KIAA1671: variants seen among roughly 807,000 people sequenced by gnomAD.
KIAA1671 encodes uncharacterized protein KIAA1671.
A neutral mutation model predicts 131.2 loss-of-function variants in KIAA1671; 52 were observed. The observed-to-expected ratio is 0.40, with a 90% CI of 0.32 to 0.50. The LOEUF (loss-of-function observed/expected upper bound fraction) is 0.50, where lower values mean the gene tolerates loss of function less well. Among genes scored for constraint, KIAA1671 ranks in the 20% least tolerant of loss-of-function variants. The pLI, the probability that KIAA1671 is intolerant of heterozygous loss-of-function variation, is 0.73. For synonymous variants in KIAA1671, 1,003 were observed against 961.6 expected, an observed-to-expected ratio of 1.04 and a Z score of -0.80; for missense variants, 2,360 against 2,364.2, an observed-to-expected ratio of 1.00 and a Z score of 0.04.
chr22:25,019,773 T>C (rs1925562544), intron 1 of KIAA1671, among the ~76,000 whole-genome samples: 1 of 152,154 alleles, frequency 6.6e-6, no homozygotes, highest in South Asian at 2.1e-4. Flanking sequence ...TTGGCTGAGA[T>C]ATGTTCTTTA....
intron 6 of KIAA1671, chr22:25,065,351 C>T (rs754891407): frequency 3.3e-5 from 5 of 152,184 alleles, no homozygotes; most frequent in Admixed American, 6.5e-5. Flanking sequence ...AGTAGTATTT[C>T]GGATGTCTGG....
intron 6 of KIAA1671, among the ~76,000 whole-genome samples, chr22:25,107,221 C>G (rs978090799): frequency 3.3e-5 from 5 of 151,902 alleles, no homozygotes; most frequent in African/African-American, 9.7e-5. Context: ...ATGGTGAAAC[C>G]CCCCCATGAC....
At chr22:25,112,308 CAG>C (rs1568962523) in intron 6 of KIAA1671, 1 of 398,868 alleles carries the variant, frequency 2.5e-6, no homozygotes, top group Non-Finnish European at 4.4e-6. Flanking sequence ...CGGACGAGTG[CAG>C]AGTCGGCCAG....
At chr22:24,976,275 T>C (rs1922907906) in intron 1 of KIAA1671, among the ~76,000 whole-genome samples, 1 of 152,236 alleles carries the variant, frequency 6.6e-6, no homozygotes, top group African/African-American at 2.4e-5. Context: ...GCTGTCTGGA[T>C]GTTCCTGCCT....
At chr22:25,090,397 A>T (rs1288162925) in intron 6 of KIAA1671, among the ~76,000 whole-genome samples, 1 of 152,124 alleles carries the variant, frequency 6.6e-6, no homozygotes, top group African/African-American at 2.4e-5. Context: ...CATGTTCAGG[A>T]CTCTGGCCTC....
At chr22:25,024,605 C>T (rs981102759) in intron 1 of KIAA1671, 1 of 152,224 alleles carries the variant, frequency 6.6e-6, no homozygotes, top group Non-Finnish European at 1.5e-5. Flanking sequence ...TGCTTAGAGT[C>T]ATTTGGCATG....
At position 25,049,307 on chromosome 22, in the gene KIAA1671, C is replaced by T; in HGVS notation, c.4473C>T (p.Ala1491=). 1 of 1,551,696 alleles carries T rather than the reference C, an allele frequency of 6.4e-7. No homozygotes were observed. Among genetic ancestry groups the T allele is most frequent in the Non-Finnish European group, 8.7e-7 (1 of 1,146,932 alleles). Residue 1491 remains alanine (A), a synonymous_variant, in exon 6 of 13, where the codon GCC becomes GCT. Transcript: ENST00000358431. The stretch of plus-strand genomic sequence containing the variant: ...CGCTCCAGCAGGTGTCCCCTGTGGC[C>T]TCGGTTCCCTGGAGAAGCCACAGCT... ...ERPLQQVSPV[A]SVPWRSHSFC... is the part of the protein sequence containing the mutation.
intron 1 of KIAA1671, among the ~76,000 whole-genome samples, chr22:24,964,659 G>T (rs149389740): frequency 9.5e-4 from 145 of 152,278 alleles, no homozygotes; most frequent in African/African-American, 3.4e-3. Context: ...CTAGTCTCAA[G>T]TGATTCTTCC....
chr22:24,979,628 C>T (rs952690269), intron 1 of KIAA1671, among the ~76,000 whole-genome samples: 59 of 151,996 alleles, frequency 3.9e-4, no homozygotes, highest in African/African-American at 1.3e-3. Flanking sequence ...GGATTACAGG[C>T]GTGAGCCACC....
intron 1 of KIAA1671, among the ~76,000 whole-genome samples, chr22:24,959,859 C>T (rs938827028): frequency 1.3e-5 from 2 of 152,096 alleles, no homozygotes; most frequent in Non-Finnish European, 2.9e-5. Flanking sequence ...GAAATACGGC[C>T]GGGCGCGGTG....
intron 6 of KIAA1671, chr22:25,052,738 A>G (rs1294704856): frequency 1.3e-5 from 2 of 151,754 alleles, no homozygotes; most frequent in African/African-American, 4.8e-5. Context: ...ATTATTTGAG[A>G]TGGAGTCTCA....
intron 7 of KIAA1671, 74 bp from the exon 8 acceptor site, chr22:25,174,166 C>A: frequency 2.0e-6 from 3 of 1,480,136 alleles, no homozygotes; most frequent in Admixed American, 2.0e-5. Context: ...CTGCCTGCAG[C>A]ATCCTTCACT....
chr22:25,072,475 G>A lies in KIAA1671; in HGVS notation c.4530+23111G>A, dbSNP rs111981979. 2.3e-3 allele frequency among the ~76,000 whole-genome samples: 346 copies of A among 152,254 alleles called. 2 individuals are homozygous for A. Among genetic ancestry groups the A allele is most frequent in the African/African-American group, 7.7e-3 (318 of 41,524 alleles). Reference sequence around the variant, plus strand: ...GAGTGAGGAGCCACATAGGCCCACCGCTGGTTTTGCAAATTACCCACAATT... The same window carrying A: ...GAGTGAGGAGCCACATAGGCCCACCACTGGTTTTGCAAATTACCCACAATT... On this transcript the variant is annotated intron_variant, in intron 6 of 12. Coordinates refer to ENST00000358431, the MANE Select transcript of KIAA1671 (RefSeq NM_001145206.2).
At chr22:24,993,916 TACAAATACAAAAAAATTA>T (rs1602052939) in intron 1 of KIAA1671, among the ~76,000 whole-genome samples, 1 of 152,030 alleles carries the variant, frequency 6.6e-6, no homozygotes, top group East Asian at 1.9e-4. Flanking sequence ...CTGTCTCTGC[TACAAATACAAAAAAATTA>T]GCCGGGCATG....
At chr22:25,035,585 C>A (rs1418973958) in intron 4 of KIAA1671, among the ~76,000 whole-genome samples, 3 of 152,138 alleles carry the variant, frequency 2.0e-5, no homozygotes, top group Admixed American at 6.5e-5. Context: ...TTTATTGTTG[C>A]ATTTTCTGAA....
chr22:25,195,901 C>T lies in KIAA1671; in HGVS notation c.*3500C>T, dbSNP rs1329287348. ...CTCACCGTGTGTTAAAACACAAAAG[C>T]CGAAGTTCCATGGCATCATGATTCC... is the stretch of plus-strand genomic sequence containing the variant. On this transcript the variant is annotated 3_prime_UTR_variant, in exon 13 of 13. Transcript: ENST00000358431. 2.6e-5 allele frequency: 4 copies of T among 152,108 alleles called. No individual in the cohort carries two copies. The highest frequency in any genetic ancestry group is 4.4e-5 in the Non-Finnish European group (3 of 68,044). 9.4% of individuals were successfully genotyped at this position (152,108 alleles called of 1,614,324 possible). A position where few individuals can be genotyped will look rare whatever the true frequency, so the allele number is the denominator to read the frequency against.
At position 25,177,380 on chromosome 22, in the gene KIAA1671, G is replaced by A; in HGVS notation, c.4932G>A (p.Lys1644=). The part of the protein sequence containing the change: ...QTSVLDSSAL[K]TRVQLSKRSR... ...CAGTCCTCGACTCAAGTGCCCTCAAGACCCGGGTGCAGCTCAGCAAGAGAA... is the reference window on the plus strand; with the variant it reads ...CAGTCCTCGACTCAAGTGCCCTCAAAACCCGGGTGCAGCTCAGCAAGAGAA... Residue 1644 remains lysine (K), a synonymous_variant, in exon 9 of 13, where the codon AAG becomes AAA. Coordinates refer to ENST00000358431, the MANE Select transcript of KIAA1671 (RefSeq NM_001145206.2). 6.4e-7 allele frequency: 1 copy of A among 1,551,620 alleles called. No individual in the cohort carries two copies. The highest frequency in any genetic ancestry group is 8.7e-7 in the Non-Finnish European group (1 of 1,146,984).
chr22:25,075,101 A>G (rs535812746), intron 6 of KIAA1671, among the ~76,000 whole-genome samples: 2 of 152,236 alleles, frequency 1.3e-5, no homozygotes, highest in Non-Finnish European at 2.9e-5. Flanking sequence ...TTGGTGCATT[A>G]CTGTGAACTA....
chr22:25,020,540 A>G (rs1925608717), intron 1 of KIAA1671, among the ~76,000 whole-genome samples: 1 of 152,082 alleles, frequency 6.6e-6, no homozygotes, highest in Non-Finnish European at 1.5e-5. Context: ...AGGACCCAGG[A>G]CCCTTCTTGC....
Sources: allele counts gnomAD v4.1 joint callset (sites outside exome capture counted in the v4.1 genomes callset), GRCh38; gene constraint gnomAD v4.1.1; transcripts MANE v1.5; gene names NCBI Gene and HGNC (gene_info 2026-07-23, HGNC 2026-07-21).